Variants in IL36B observed in about 807,000 individuals in gnomAD.
The protein encoded by IL36B is interleukin-36 beta.
Under a neutral mutation model 19.3 loss-of-function variants are expected in IL36B, and 23 were observed. The observed-to-expected ratio is 1.19, with a 90% CI of 0.86 to 1.69. The LOEUF is 1.69. IL36B is among the 40% of genes most tolerant of loss of function. The pLI, the probability that IL36B is intolerant of heterozygous loss-of-function variation, is 0.00. For missense variants in IL36B, 217 were observed against 200.5 expected (o/e 1.08, Z -0.50); for synonymous variants, 59 against 59.7 (o/e 0.99, Z 0.05).
intron 1 of IL36B, among the ~76,000 whole-genome samples, chr2:113,048,527 TTAGAAA>T (rs1190305819): frequency 6.6e-6 from 1 of 152,056 alleles, no homozygotes; most frequent in East Asian, 1.9e-4. Context: ...GCATAAATGT[TTAGAAA>T]AGAAGAAAGA....
chr2:113,033,905 G>C (rs2862772), intron 1 of IL36B, among the ~76,000 whole-genome samples: 90,226 of 151,946 alleles, frequency 0.59, 27,010 homozygotes, highest in South Asian at 0.72. Context: ...AATATTATTG[G>C]TCAGTCCTAC....
chr2:113,028,362 C>T (rs951690369), intron 4 of IL36B, among the ~76,000 whole-genome samples: 8 of 152,162 alleles, frequency 5.3e-5, no homozygotes, highest in African/African-American at 1.9e-4. Flanking sequence ...TCACTGTCTT[C>T]CCTGGAACAG....
intron 5 of IL36B, among the ~76,000 whole-genome samples, chr2:113,023,826 TCCC>T (rs1223858785): frequency 3.3e-5 from 5 of 152,204 alleles, no homozygotes; most frequent in African/African-American, 1.2e-4. Context: ...CATATTTATC[TCCC>T]CTCCTTTCTT....
In IL36B at chr2:113,031,158, G is replaced by T; in HGVS notation, c.14-3C>A. On this transcript the variant is annotated splice_region_variant and splice_polypyrimidine_tract_variant and intron_variant, in intron 2 of 5. Transcript: ENST00000259213. Reference sequence around the variant, plus strand: ...ATAGGATTTGGGTGCTGCCTCCCCTGCCAGATGACAAAAATGCACAAAATA... The same window carrying T: ...ATAGGATTTGGGTGCTGCCTCCCCTTCCAGATGACAAAAATGCACAAAATA... 6.2e-7 allele frequency: 1 copy of T among 1,607,988 alleles called. No individual in the cohort carries two copies. The highest frequency in any genetic ancestry group is 8.5e-7 in the Non-Finnish European group (1 of 1,174,428).
intron 1 of IL36B, among the ~76,000 whole-genome samples, chr2:113,048,978 G>A: frequency 6.6e-6 from 1 of 152,136 alleles, no homozygotes; most frequent in Non-Finnish European, 1.5e-5. Context: ...AAATATGCTA[G>A]CTATTGTTCT....
At chr2:113,051,131 C>T (rs35893205) in intron 1 of IL36B, among the ~76,000 whole-genome samples, 1,837 of 152,288 alleles carry the variant, frequency 0.012, 34 homozygotes, top group African/African-American at 0.042. Flanking sequence ...GATCCTGGCC[C>T]GGCACACTGA....
chr2:113,045,591 A>G (rs1685334764), intron 1 of IL36B, among the ~76,000 whole-genome samples: 1 of 152,176 alleles, frequency 6.6e-6, no homozygotes, highest in Non-Finnish European at 1.5e-5. Flanking sequence ...AAAATTCCAT[A>G]TATTAGGCCC....
At chr2:113,031,408 C>T (rs549386902) in intron 2 of IL36B, among the ~76,000 whole-genome samples, 3 of 151,676 alleles carry the variant, frequency 2.0e-5, no homozygotes, top group South Asian at 2.1e-4. Context: ...TGTCTTTTTC[C>T]GAATGATAAA....
chr2:113,022,464 T>A lies in IL36B; in HGVS notation c.*210A>T, dbSNP rs138407510. 385 of 481,350 alleles carry A rather than the reference T, an allele frequency of 8.0e-4. 2 individuals are homozygous for A. Among genetic ancestry groups the A allele is most frequent in the African/African-American group, 7.3e-3 (371 of 50,766 alleles). The allele number at this position is 481,350 out of a possible 1,614,324, so 29.8% of individuals were successfully genotyped here. A position where few individuals can be genotyped will look rare whatever the true frequency, so the allele number is the denominator to read the frequency against. ...CAAAACACATTTACAGGTTATGTAG[T>A]CCAAATCTACTCCTAAAAAGACTCC... On this transcript the variant is annotated 3_prime_UTR_variant, in exon 6 of 6. Transcript: ENST00000259213.
In IL36B at chr2:113,034,818, T is replaced by G. The variant is rs72944568; in HGVS notation, c.-57-3052A>C. Among the ~76,000 whole-genome samples, 578 of 152,304 alleles carry G rather than the reference T, an allele frequency of 3.8e-3. 4 individuals are homozygous for G. Among genetic ancestry groups the G allele is most frequent in the African/African-American group, 0.013 (530 of 41,576 alleles). On this transcript the variant is annotated intron_variant, in intron 1 of 5. Transcript: ENST00000259213. The stretch of plus-strand genomic sequence containing the variant: ...CCTCCCAAGAGAATCACTCAAACAG[T>G]CAGTGGGACTGGCAGCTTTGCCCCC...
At chr2:113,040,681 G>A (rs1028942630) in intron 1 of IL36B, among the ~76,000 whole-genome samples, 2 of 152,126 alleles carry the variant, frequency 1.3e-5, no homozygotes, top group Admixed American at 6.5e-5. Flanking sequence ...ATTTAACAAA[G>A]TATATAAAAG....
At chr2:113,052,267 T>C (rs1427905518) in intron 1 of IL36B, among the ~76,000 whole-genome samples, 1 of 152,100 alleles carries the variant, frequency 6.6e-6, no homozygotes, top group Non-Finnish European at 1.5e-5. Flanking sequence ...ATTATCTTCT[T>C]AGAAAGCCTG....
chr2:113,029,023 ACC>A lies in IL36B; in HGVS notation c.175_176del (p.Gly59Ter). ...CCTTGATTCCCAGGTAAACCATATT[ACC>A]CTTTTCCTTGTCACTGAATTCTGTG... On this transcript the variant is annotated frameshift_variant, in exon 4 of 6. Coordinates refer to ENST00000259213, the MANE Select transcript of IL36B (RefSeq NM_014438.5). LOFTEE classifies it high-confidence loss of function. 8 of 1,613,716 alleles carry A rather than the reference ACC, an allele frequency of 5.0e-6. No homozygotes were observed. The highest frequency in any genetic ancestry group is 6.8e-6 in the Non-Finnish European group (8 of 1,179,714).
At chr2:113,045,649 G>A (rs573896915) in intron 1 of IL36B, among the ~76,000 whole-genome samples, 13 of 151,992 alleles carry the variant, frequency 8.6e-5, no homozygotes, top group Non-Finnish European at 1.3e-4. Context: ...TGTATGTGTC[G>A]TATGTCCTTT....
In IL36B at chr2:113,028,929, A is replaced by C. The variant is rs748037899; in HGVS notation, c.261+10T>G. Reference sequence around the variant, plus strand: ...ACAGTACTTCTCTCGTTAGCTGCACAATCACTCACCTTAAGCTGCAAAGTA... The same window carrying C: ...ACAGTACTTCTCTCGTTAGCTGCACCATCACTCACCTTAAGCTGCAAAGTA... On this transcript the variant is annotated intron_variant, in intron 4 of 5. Transcript: ENST00000259213. 1.9e-6 allele frequency: 3 copies of C among 1,612,496 alleles called. No homozygotes were observed. The highest frequency in any genetic ancestry group is 2.2e-5 in the South Asian group (2 of 90,624).
chr2:113,033,521 G>A (rs573634180), intron 1 of IL36B, among the ~76,000 whole-genome samples: 25 of 152,310 alleles, frequency 1.6e-4, no homozygotes, highest in African/African-American at 5.5e-4. Flanking sequence ...TTACAGGCGT[G>A]AGCCACTGCA....
intron 1 of IL36B, among the ~76,000 whole-genome samples, chr2:113,033,404 TG>T (rs929016411): frequency 1.3e-5 from 2 of 152,124 alleles, no homozygotes; most frequent in Admixed American, 6.5e-5. Context: ...GCTAGTTTTT[TG>T]TATTTTATAT....
At chr2:113,029,450 C>T (rs552162368) in intron 3 of IL36B, among the ~76,000 whole-genome samples, 1 of 152,248 alleles carries the variant, frequency 6.6e-6, no homozygotes, top group African/African-American at 2.4e-5. Flanking sequence ...GGCAGTGGTC[C>T]AGGCAAGAGA....
chr2:113,024,182 A>G (rs1684911648), intron 5 of IL36B, among the ~76,000 whole-genome samples: 1 of 152,130 alleles, frequency 6.6e-6, no homozygotes, highest in African/African-American at 2.4e-5. Flanking sequence ...TGAAAAACCC[A>G]CCATTCAATA....
Sources: gnomAD v4.1 joint callset for allele counts (sites outside exome capture counted in the v4.1 genomes callset) on GRCh38, gnomAD v4.1.1 for gene constraint, MANE v1.5 for transcripts, NCBI Gene and HGNC (gene_info 2026-07-23, HGNC 2026-07-21) for gene names.